PPP3CA: variants seen among roughly 807,000 people sequenced by gnomAD.
The protein encoded by PPP3CA is protein phosphatase 3 catalytic subunit alpha, also known as CAM-PRP catalytic subunit.
In PPP3CA, 14 loss-of-function variants were observed where a neutral mutation model predicts 66.5. The ratio of observed to expected loss-of-function variants is 0.21; its 90% confidence interval spans 0.14 to 0.33. PPP3CA has a LOEUF of 0.33. PPP3CA is among the 10% of genes least tolerant of loss of function. PPP3CA has a pLI of 1.00. For missense variants in PPP3CA, 317 were observed against 639.5 expected, an observed-to-expected ratio of 0.50 and a Z score of 5.44; for synonymous variants, 232 against 226.2, an observed-to-expected ratio of 1.03 and a Z score of -0.23.
rs1309186781 is a variant in PPP3CA at position 101,347,079 on chromosome 4, C to T, written c.-283G>A. ...GGTGGTTATTTATTTATTTTCTGAGCACGCCTCCCGGTTCTTCTTTTATTC... is the reference window on the plus strand; with the variant it reads ...GGTGGTTATTTATTTATTTTCTGAGTACGCCTCCCGGTTCTTCTTTTATTC... On this transcript the variant is annotated 5_prime_UTR_variant, in exon 1 of 14. Transcript: ENST00000394854. The T allele has an allele frequency of 1.6e-5, 9 of 546,992 alleles. No individual in the cohort carries two copies. The highest frequency in any genetic ancestry group is 2.9e-5 in the Non-Finnish European group (9 of 308,920). The allele number at this position is 546,992 out of a possible 1,614,324, so 33.9% of individuals were successfully genotyped here.
At chr4:101,040,286 T>C (rs1727454868) in intron 11 of PPP3CA, among the ~76,000 whole-genome samples, 196 bp downstream of exon 11, 1 of 152,228 alleles carries the variant, frequency 6.6e-6, no homozygotes, top group South Asian at 2.1e-4. Context: ...AGAAATAATT[T>C]AGTAGATTGC....
At chr4:101,319,969 A>T (rs565989053) in intron 1 of PPP3CA, among the ~76,000 whole-genome samples, 2 of 152,256 alleles carry the variant, frequency 1.3e-5, no homozygotes, top group South Asian at 4.1e-4. Flanking sequence ...AATTTTGAAG[A>T]CTATATAAGA....
Position 101,032,354 on chromosome 4 carries a change from C to G in PPP3CA, c.1252G>C (p.Glu418Gln). 6.2e-7 allele frequency: 1 copy of G among 1,613,080 alleles called. No individual in the cohort carries two copies. Among genetic ancestry groups the G allele is most frequent in the Non-Finnish European group, 8.5e-7 (1 of 1,179,524 alleles). The part of the protein sequence containing the change: ...RVFSVLREES[E>Q]SVLTLKGLTP... ...AAGCCTTTCAGCGTCAGCACACTCT[C>G]ACTCTCTTCTCTGGAAGGCACAATG... Residue 418 changes from glutamate (E) to glutamine (Q), a missense_variant, in exon 12 of 14, where the codon GAG (glutamate) becomes CAG (glutamine). Physicochemically the swap from Glu to Gln is conservative, Grantham distance 29 (BLOSUM62 2). Transcript: ENST00000394854.
At chr4:101,091,792 A>G (rs1729952514) in intron 6 of PPP3CA, among the ~76,000 whole-genome samples, 1 of 149,878 alleles carries the variant, frequency 6.7e-6, no homozygotes, top group Non-Finnish European at 1.5e-5. Context: ...CATTAACTTC[A>G]GGGAACATCA....
intron 2 of PPP3CA, among the ~76,000 whole-genome samples, chr4:101,155,055 T>C (rs963705335): frequency 1.3e-5 from 2 of 152,154 alleles, no homozygotes; most frequent in Admixed American, 6.5e-5. Flanking sequence ...GACCTCATGA[T>C]CTGCCCGCCT....
At chr4:101,290,702 T>C (rs1021563115) in intron 1 of PPP3CA, among the ~76,000 whole-genome samples, 3 of 152,120 alleles carry the variant, frequency 2.0e-5, no homozygotes, top group African/African-American at 7.2e-5. Flanking sequence ...TTAATGCTAT[T>C]GAGAAAAATA....
At chr4:101,050,259 A>G (rs541107445) in intron 10 of PPP3CA, among the ~76,000 whole-genome samples, 1 of 152,278 alleles carries the variant, frequency 6.6e-6, no homozygotes, top group African/African-American at 2.4e-5. Context: ...TGTTCTGGGA[A>G]GTACTGTCCA....
intron 2 of PPP3CA, among the ~76,000 whole-genome samples, chr4:101,146,710 G>A (rs1722981493): frequency 6.6e-6 from 1 of 152,034 alleles, no homozygotes; most frequent in Non-Finnish European, 1.5e-5. Flanking sequence ...CAAAGTGCTG[G>A]GATTACAGGT....
chr4:101,126,154 G>A (rs1258580615), intron 2 of PPP3CA, among the ~76,000 whole-genome samples: 1 of 152,178 alleles, frequency 6.6e-6, no homozygotes, highest in Non-Finnish European at 1.5e-5. Context: ...ATCTTACAAT[G>A]TAAAAATTGT....
intron 1 of PPP3CA, among the ~76,000 whole-genome samples, chr4:101,281,370 G>A (rs1727678647): frequency 3.9e-5 from 6 of 152,194 alleles, no homozygotes; most frequent in Admixed American, 3.9e-4. Context: ...TTCTGCTAAT[G>A]AGTATGATCC....
At chr4:101,087,317 A>C (rs1729715067) in intron 6 of PPP3CA, among the ~76,000 whole-genome samples, 1 of 152,064 alleles carries the variant, frequency 6.6e-6, no homozygotes, top group Non-Finnish European at 1.5e-5. Context: ...AGCAATTTTT[A>C]TTTAAGGCAA....
intron 1 of PPP3CA, among the ~76,000 whole-genome samples, chr4:101,324,955 T>A (rs905020796): frequency 3.9e-5 from 6 of 152,206 alleles, no homozygotes; most frequent in African/African-American, 1.4e-4. Context: ...AAAGATACTC[T>A]ACTCCTATAA....
intron 2 of PPP3CA, among the ~76,000 whole-genome samples, chr4:101,181,621 CT>C (rs1240835184): frequency 5.9e-5 from 9 of 152,172 alleles, no homozygotes; most frequent in African/African-American, 2.2e-4. Context: ...GAAAAGCCCA[CT>C]ATACTTTGCA....
intron 2 of PPP3CA, among the ~76,000 whole-genome samples, chr4:101,119,536 C>G (rs1055861579): frequency 6.6e-6 from 1 of 151,808 alleles, no homozygotes; most frequent in Non-Finnish European, 1.5e-5. Context: ...CAAAAAAACA[C>G]AAAACTTTCT....
intron 11 of PPP3CA, among the ~76,000 whole-genome samples, chr4:101,035,262 G>A (rs186118995): frequency 6.6e-5 from 10 of 151,762 alleles, no homozygotes; most frequent in Admixed American, 5.9e-4. Context: ...GAGCGAGACC[G>A]TCTTAAAACA....
intron 1 of PPP3CA, among the ~76,000 whole-genome samples, chr4:101,220,926 T>A (rs1271052712): frequency 6.6e-6 from 1 of 151,792 alleles, no homozygotes; most frequent in Admixed American, 6.6e-5. Flanking sequence ...TTGAATTAAA[T>A]CATGAGAAAG....
At chr4:101,033,830 AT>A (rs1221922314) in intron 11 of PPP3CA, among the ~76,000 whole-genome samples, 1 of 152,136 alleles carries the variant, frequency 6.6e-6, no homozygotes, top group Non-Finnish European at 1.5e-5. Flanking sequence ...CTTTCTGTAG[AT>A]TTGTTTCTCT....
At chr4:101,274,332 G>C (rs1727424769) in intron 1 of PPP3CA, among the ~76,000 whole-genome samples, 2 of 152,070 alleles carry the variant, frequency 1.3e-5, no homozygotes, top group Admixed American at 1.3e-4. Context: ...AAATAAAGGA[G>C]AACTAACATA....
chr4:101,179,555 T>C (rs1483435021), intron 2 of PPP3CA, among the ~76,000 whole-genome samples: 1 of 152,118 alleles, frequency 6.6e-6, no homozygotes, highest in Non-Finnish European at 1.5e-5. Flanking sequence ...CCATGCTGTC[T>C]CTTTGTCCCC....
Sources: gnomAD v4.1 joint callset for allele counts (sites outside exome capture counted in the v4.1 genomes callset) on GRCh38, gnomAD v4.1.1 for gene constraint, MANE v1.5 for transcripts, NCBI Gene and HGNC (gene_info 2026-07-23, HGNC 2026-07-21) for gene names.